Variants in RNGTT observed in about 807,000 individuals in gnomAD.
RNGTT encodes mRNA-capping enzyme.
A neutral mutation model predicts 79.3 loss-of-function variants in RNGTT; 33 were observed. That is an observed-to-expected ratio of 0.42 (90% confidence interval 0.32 to 0.56). RNGTT has a LOEUF of 0.56. Among genes scored for constraint, RNGTT ranks in the 20% least tolerant of loss-of-function variants. The pLI is 0.17. For missense variants in RNGTT, 497 were observed against 739.1 expected (o/e 0.67, Z 3.80); for synonymous variants, 222 against 235.9 (o/e 0.94, Z 0.54).
chr6:88,808,564 A>G (rs1434910966), intron 11 of RNGTT, among the ~76,000 whole-genome samples: 2 of 152,164 alleles, frequency 1.3e-5, no homozygotes, highest in Non-Finnish European at 2.9e-5. Context: ...TTTCTTCTAA[A>G]AACCACAACA....
Position 88,890,601 on chromosome 6 carries a change from A to C in RNGTT, c.795-5T>G, listed in dbSNP as rs917847505. The C allele has an allele frequency of 6.2e-7, 1 of 1,602,454 alleles. No homozygotes were observed. The highest frequency in any genetic ancestry group is 8.5e-7 in the Non-Finnish European group (1 of 1,170,444). On this transcript the variant is annotated splice_region_variant and splice_polypyrimidine_tract_variant and intron_variant, in intron 7 of 15. Transcript: ENST00000369485. Reference sequence around the variant, plus strand: ...TGTGCTCCAGGGAATCCAGACCTTAAAGAAGAACACAGTATTACTATCGTG... The same window carrying C: ...TGTGCTCCAGGGAATCCAGACCTTACAGAAGAACACAGTATTACTATCGTG...
chr6:88,851,791 CA>C (rs202154257), intron 9 of RNGTT, among the ~76,000 whole-genome samples: 3 of 147,270 alleles, frequency 2.0e-5, no homozygotes, highest in Non-Finnish European at 4.5e-5. Flanking sequence ...TTTTAATTAA[CA>C]AAAAAAAACA....
intron 13 of RNGTT, among the ~76,000 whole-genome samples, chr6:88,716,268 T>G (rs958873119): frequency 6.6e-6 from 1 of 151,870 alleles, no homozygotes; most frequent in Admixed American, 6.5e-5. Context: ...CACAATGAGA[T>G]ACCATCTCAC....
At chr6:88,887,214 G>A (rs1015156801) in intron 8 of RNGTT, among the ~76,000 whole-genome samples, 7 of 151,896 alleles carry the variant, frequency 4.6e-5, no homozygotes, top group African/African-American at 1.2e-4. Context: ...ATATTGTTAC[G>A]AGATATAATA....
chr6:88,946,305 A>G lies in RNGTT; in HGVS notation c.65-5125T>C, dbSNP rs114466065. 4.0e-3 allele frequency among the ~76,000 whole-genome samples: 616 copies of G among 152,290 alleles called. 4 individuals are homozygous for G. Among genetic ancestry groups the G allele is most frequent in the African/African-American group, 0.014 (564 of 41,562 alleles). On this transcript the variant is annotated intron_variant, in intron 1 of 15. Transcript: ENST00000369485. ...TTTTGGAGTGCCATGAACAACACCC[A>G]TAAGATGGCAAACTTAATAAATAAA...
chr6:88,810,065 T>A (rs759450241), intron 11 of RNGTT, among the ~76,000 whole-genome samples: 29 of 151,786 alleles, frequency 1.9e-4, no homozygotes, highest in African/African-American at 2.9e-4. Flanking sequence ...CAAAAAAAAA[T>A]TTTTTACCCA....
At chr6:88,653,946 T>C (rs772578861) in intron 14 of RNGTT, among the ~76,000 whole-genome samples, 26 of 152,226 alleles carry the variant, frequency 1.7e-4, no homozygotes, top group African/African-American at 5.8e-4. Flanking sequence ...TTAGGACTTA[T>C]GTGGCATTCT....
chr6:88,684,179 A>AC lies in RNGTT; in HGVS notation c.1440-5761_1440-5760insG, dbSNP rs1158851347. Among the ~76,000 whole-genome samples, 5 of 152,328 alleles carry AC rather than the reference A, an allele frequency of 3.3e-5. No individual in the cohort carries two copies. In the East Asian group the frequency reaches 9.6e-4, roughly 29 times the overall value. ...GGGAAATACAAACTGAAGTAACACT[A>AC]AGATACTACAACACACCTATGAGAA... On this transcript the variant is annotated intron_variant, in intron 13 of 15. Coordinates refer to ENST00000369485, the MANE Select transcript of RNGTT (RefSeq NM_003800.5).
At chr6:88,813,282 T>C (rs933264633) in intron 11 of RNGTT, among the ~76,000 whole-genome samples, 2 of 152,240 alleles carry the variant, frequency 1.3e-5, no homozygotes, top group Middle Eastern at 3.4e-3. Flanking sequence ...CCCTGAAACT[T>C]GCACATGAGA....
intron 12 of RNGTT, among the ~76,000 whole-genome samples, chr6:88,773,646 A>C (rs1226170401): frequency 6.6e-6 from 1 of 152,138 alleles, no homozygotes; most frequent in East Asian, 1.9e-4. Context: ...TTAAGAGTAC[A>C]TAAATAAAGT....
intron 13 of RNGTT, among the ~76,000 whole-genome samples, chr6:88,746,815 T>C (rs1177136434): frequency 6.6e-6 from 1 of 152,134 alleles, no homozygotes; most frequent in Non-Finnish European, 1.5e-5. Flanking sequence ...AAAATTAATA[T>C]CCAGACCTTT....
chr6:88,890,494 C>A lies in RNGTT; in HGVS notation c.896+1G>T. Reference sequence around the variant, plus strand: ...GTAATTTTTTTAGAAGTCTAACTTACCGAGTACCATCTGCTTTCCAGCTTA... The same window carrying A: ...GTAATTTTTTTAGAAGTCTAACTTAACGAGTACCATCTGCTTTCCAGCTTA... On this transcript the variant is annotated splice_donor_variant, in intron 8 of 15. Coordinates refer to ENST00000369485, the MANE Select transcript of RNGTT (RefSeq NM_003800.5). LOFTEE classifies it high-confidence loss of function. 6.3e-7 allele frequency: 1 copy of A among 1,591,308 alleles called. No individual in the cohort carries two copies.
intron 8 of RNGTT, among the ~76,000 whole-genome samples, chr6:88,858,747 A>G (rs1781916217): frequency 6.6e-6 from 1 of 152,186 alleles, no homozygotes; most frequent in South Asian, 2.1e-4. Context: ...CCTCTACAGT[A>G]TACTAACCCT....
At chr6:88,612,952 G>A (rs953478304) in intron 15 of RNGTT, 70 bp from the exon 16 acceptor site, 3 of 1,424,654 alleles carry the variant, frequency 2.1e-6, no homozygotes, top group African/African-American at 2.8e-5. Flanking sequence ...AGGCTTATGA[G>A]AAAGGTTTTC....
intron 1 of RNGTT, among the ~76,000 whole-genome samples, chr6:88,952,256 C>T (rs1354850873): frequency 6.6e-6 from 1 of 152,172 alleles, no homozygotes; most frequent in Non-Finnish European, 1.5e-5. Context: ...CCTACAGTGG[C>T]TACAGCAAGC....
At chr6:88,872,039 A>G (rs1168271966) in intron 8 of RNGTT, among the ~76,000 whole-genome samples, 1 of 152,138 alleles carries the variant, frequency 6.6e-6, no homozygotes, top group Admixed American at 6.6e-5. Flanking sequence ...AATTAGACAT[A>G]CAAACTTGAG....
chr6:88,939,848 G>A (rs896314503), intron 2 of RNGTT, among the ~76,000 whole-genome samples: 3 of 151,140 alleles, frequency 2.0e-5, no homozygotes, highest in Non-Finnish European at 2.9e-5. Context: ...AACCTCCTGG[G>A]TTCAAGTGAT....
intron 12 of RNGTT, among the ~76,000 whole-genome samples, chr6:88,784,932 C>T (rs1188553662): frequency 6.6e-6 from 1 of 151,788 alleles, no homozygotes; most frequent in Admixed American, 6.6e-5. Context: ...GTATTTGCTT[C>T]TATATATATA....
chr6:88,664,180 A>G (rs1253559603), intron 14 of RNGTT, among the ~76,000 whole-genome samples: 1 of 151,998 alleles, frequency 6.6e-6, no homozygotes, highest in Non-Finnish European at 1.5e-5. Context: ...ATAGGGAAGC[A>G]CTCTTAGAAG....
Sources: allele counts gnomAD v4.1 joint callset (sites outside exome capture counted in the v4.1 genomes callset), GRCh38; gene constraint gnomAD v4.1.1; transcripts MANE v1.5; gene names NCBI Gene and HGNC (gene_info 2026-07-23, HGNC 2026-07-21).